The following THSD7B variants were observed in gnomAD, a reference collection of about 807,000 sequenced individuals.
The protein encoded by THSD7B is thrombospondin type-1 domain-containing protein 7B.
A neutral mutation model predicts 213.6 loss-of-function variants in THSD7B; 138 were observed. The observed-to-expected ratio is 0.65, with a 90% CI of 0.56 to 0.74. The LOEUF is 0.74. THSD7B is among the 30% of genes least tolerant of loss of function. The probability of loss-of-function intolerance (pLI) is 0.00; values close to 1 mark genes in which losing one functional copy is unlikely to be tolerated. For missense variants in THSD7B, 1,931 were observed against 1,991.5 expected, an observed-to-expected ratio of 0.97 and a Z score of 0.58; for synonymous variants, 742 against 687.0, an observed-to-expected ratio of 1.08 and a Z score of -1.25.
Position 137,216,694 on chromosome 2 carries a change from G to A in THSD7B, c.1724-14350G>A, listed in dbSNP as rs190319254. On this transcript the variant is annotated intron_variant, in intron 7 of 27. Coordinates refer to ENST00000409968, the MANE Select transcript of THSD7B (RefSeq NM_001316349.2). ...GGCTGGATGTACAAAACGGGTTGGC[G>A]ATTAAACTTTCATAGTTTGTGAAAT... 2.0e-5 allele frequency among the ~76,000 whole-genome samples: 3 copies of A among 152,252 alleles called. No individual in the cohort carries two copies. In the East Asian group the frequency reaches 5.8e-4, roughly 30 times the overall value.
chr2:137,262,099 T>A (rs1053344886), intron 10 of THSD7B, among the ~76,000 whole-genome samples: 2 of 152,148 alleles, frequency 1.3e-5, no homozygotes, highest in African/African-American at 4.8e-5. Flanking sequence ...CTCACTCTGC[T>A]AGCTTCTCTC....
intron 2 of THSD7B, among the ~76,000 whole-genome samples, chr2:136,915,541 T>TA (rs1432438190): frequency 6.6e-6 from 1 of 152,258 alleles, no homozygotes. Flanking sequence ...GCATAATTGC[T>TA]AACACTTGCT....
intron 12 of THSD7B, among the ~76,000 whole-genome samples, chr2:137,297,115 G>T (rs555342263): frequency 6.8e-6 from 1 of 147,852 alleles, no homozygotes; most frequent in African/African-American, 2.5e-5. Context: ...ATTGGAGGGG[G>T]GTCCCAGAAA....
At chr2:136,799,774 C>T (rs1682142627) in intron 1 of THSD7B, among the ~76,000 whole-genome samples, 1 of 151,902 alleles carries the variant, frequency 6.6e-6, no homozygotes, top group South Asian at 2.1e-4. Context: ...ATGGGATCAA[C>T]ATGAATTCTA....
chr2:137,405,611 AGCT>A lies in THSD7B; in HGVS notation c.2501_2503del (p.Ala834del). 2 of 1,583,646 alleles carry A rather than the reference AGCT, an allele frequency of 1.3e-6. No homozygotes were observed. The highest frequency in any genetic ancestry group is 1.7e-6 in the Non-Finnish European group (2 of 1,166,052). ...AACAAAAGAATTCATGCTTTTTTTC[AGCT>A]GTCTCATGCATCTCTGATGACAACC... is the stretch of plus-strand genomic sequence containing the variant. On this transcript the variant is annotated splice_acceptor_variant and coding_sequence_variant, in exon 13 of 28. Coordinates refer to ENST00000409968, the MANE Select transcript of THSD7B (RefSeq NM_001316349.2). LOFTEE classifies it high-confidence loss of function.
intron 15 of THSD7B, among the ~76,000 whole-genome samples, chr2:137,555,084 G>A (rs1680928939): frequency 1.3e-5 from 2 of 152,174 alleles, no homozygotes; most frequent in East Asian, 1.9e-4. Context: ...GTTCAAGGAG[G>A]CCTGCCTGCC....
At chr2:136,817,750 A>G (rs1383540462) in intron 1 of THSD7B, among the ~76,000 whole-genome samples, 7 of 151,830 alleles carry the variant, frequency 4.6e-5, no homozygotes, top group African/African-American at 1.7e-4. Flanking sequence ...ATGAACAGAC[A>G]CTTCTCAAAA....
chr2:136,832,201 G>GTGTGTGTGTGTGTA (rs66731773), intron 1 of THSD7B, among the ~76,000 whole-genome samples: 2 of 146,406 alleles, frequency 1.4e-5, no homozygotes, highest in Non-Finnish European at 3.0e-5. Context: ...GTGTGTGTGT[G>GTGTGTGTGTGTGTA]TATACACACA....
intron 2 of THSD7B, among the ~76,000 whole-genome samples, chr2:137,006,056 C>T (rs1214457817): frequency 6.6e-6 from 1 of 152,060 alleles, no homozygotes; most frequent in East Asian, 1.9e-4. Flanking sequence ...TAAGAACTAC[C>T]TCAAAAAATT....
chr2:137,516,399 C>T (rs1159776200), intron 15 of THSD7B, among the ~76,000 whole-genome samples: 3 of 152,198 alleles, frequency 2.0e-5, no homozygotes, highest in Non-Finnish European at 4.4e-5. Context: ...AAGGACCCCA[C>T]TACATTACCA....
chr2:137,232,196 T>C (rs1329233735), intron 8 of THSD7B, among the ~76,000 whole-genome samples: 1 of 152,168 alleles, frequency 6.6e-6, no homozygotes, highest in Admixed American at 6.6e-5. Context: ...AATACCACTT[T>C]TTATATGGAT....
chr2:137,180,250 C>T (rs1388149305), intron 7 of THSD7B, among the ~76,000 whole-genome samples: 3 of 152,144 alleles, frequency 2.0e-5, no homozygotes, highest in African/African-American at 4.8e-5. Context: ...ACTGAATCAA[C>T]AGTGTGAGCA....
At chr2:136,953,294 G>A (rs1031936442) in intron 2 of THSD7B, among the ~76,000 whole-genome samples, 2 of 152,122 alleles carry the variant, frequency 1.3e-5, no homozygotes, top group African/African-American at 4.8e-5. Flanking sequence ...TGGATTTCAA[G>A]GCTAGCTAAT....
intron 15 of THSD7B, among the ~76,000 whole-genome samples, chr2:137,559,436 C>G (rs937409683): frequency 2.6e-5 from 4 of 152,080 alleles, no homozygotes; most frequent in African/African-American, 9.7e-5. Context: ...TGATTTTTGA[C>G]AAACCTGACA....
intron 15 of THSD7B, among the ~76,000 whole-genome samples, chr2:137,512,460 C>T (rs1214506685): frequency 7.5e-6 from 1 of 134,000 alleles, no homozygotes; most frequent in Non-Finnish European, 1.5e-5. Context: ...GGCATAATCA[C>T]AGCTCACTGC....
chr2:137,492,615 C>G (rs1679444359), intron 15 of THSD7B, among the ~76,000 whole-genome samples: 1 of 152,104 alleles, frequency 6.6e-6, no homozygotes. Context: ...ATCAAGAAGA[C>G]TTGTGTAGAC....
At chr2:136,780,844 C>G (rs984515698) in intron 1 of THSD7B, among the ~76,000 whole-genome samples, 12 of 152,190 alleles carry the variant, frequency 7.9e-5, no homozygotes, top group African/African-American at 2.4e-4. Flanking sequence ...CAGTTTGTTA[C>G]TGCTCCTCAA....
At chr2:137,220,211 C>CTT (rs5834541) in intron 7 of THSD7B, among the ~76,000 whole-genome samples, 90,465 of 151,498 alleles carry the variant, frequency 0.6, 27,394 homozygotes, top group South Asian at 0.71. Flanking sequence ...AAAATTAAAA[C>CTT]TTTCTCTGCA....
chr2:136,904,100 T>C (rs1684112738), intron 2 of THSD7B, among the ~76,000 whole-genome samples: 1 of 152,056 alleles, frequency 6.6e-6, no homozygotes, highest in Admixed American at 6.6e-5. Flanking sequence ...AGGAGGCCTT[T>C]TATGGGCAAG....
Sources: allele counts gnomAD v4.1 joint callset (sites outside exome capture counted in the v4.1 genomes callset), GRCh38; gene constraint gnomAD v4.1.1; transcripts MANE v1.5; gene names NCBI Gene and HGNC (gene_info 2026-07-23, HGNC 2026-07-21).